ATP10D: variants seen among roughly 807,000 people sequenced by gnomAD.
ATP10D encodes ATPase phospholipid transporting 10D (putative).
Under a neutral mutation model 144.8 loss-of-function variants are expected in ATP10D, and 89 were observed. The observed-to-expected ratio is 0.61, with a 90% CI of 0.52 to 0.73. ATP10D has a LOEUF of 0.73. Ranked by LOEUF, ATP10D falls within the 30% of genes least tolerant of loss-of-function variation. The pLI is 0.00. For missense variants in ATP10D, 1,603 were observed against 1,714.8 expected (o/e 0.93, Z 1.15); for synonymous variants, 571 against 615.1 (o/e 0.93, Z 1.06).
chr4:47,540,827 C>T (rs1718098153), intron 9 of ATP10D, among the ~76,000 whole-genome samples: 1 of 152,250 alleles, frequency 6.6e-6, no homozygotes, highest in African/African-American at 2.4e-5. Flanking sequence ...CTCTAGGTGA[C>T]AGTTTCTCAG....
chr4:47,515,448 C>T, intron 2 of ATP10D, 28 bp from the exon 3 acceptor site: 1 of 1,579,544 alleles, frequency 6.3e-7, no homozygotes, highest in Non-Finnish European at 8.6e-7. Context: ...AACTTCTTAA[C>T]ACCTCCCTTT....
chr4:47,582,984 A>T (rs1445011099), intron 21 of ATP10D: 2 of 152,240 alleles, frequency 1.3e-5, no homozygotes, highest in African/African-American at 4.8e-5. Context: ...CTCTAAAAAA[A>T]ATAACAAAAC....
chr4:47,565,249 C>G (rs943644191), intron 15 of ATP10D, among the ~76,000 whole-genome samples: 1 of 152,172 alleles, frequency 6.6e-6, no homozygotes, highest in African/African-American at 2.4e-5. Flanking sequence ...CGTGAGCCAC[C>G]GCGCCCGGCC....
intron 2 of ATP10D, among the ~76,000 whole-genome samples, chr4:47,513,398 T>C (rs1028487310): frequency 6.6e-6 from 1 of 152,126 alleles, no homozygotes; most frequent in Non-Finnish European, 1.5e-5. Flanking sequence ...AAACACAATA[T>C]ATACATATAT....
chr4:47,525,669 G>A, intron 5 of ATP10D, 27 bp downstream of exon 5: 4 of 1,525,832 alleles, frequency 2.6e-6, no homozygotes, highest in Non-Finnish European at 3.6e-6. Context: ...GAACATTTGT[G>A]GGTGTAAGTG....
chr4:47,560,256 G>A (rs1719223201), intron 13 of ATP10D: 1 of 152,056 alleles, frequency 6.6e-6, no homozygotes, highest in Non-Finnish European at 1.5e-5. Context: ...CTCTTTCTAT[G>A]GCAACCTAAA....
chr4:47,563,362 T>G (rs1051054673), intron 14 of ATP10D, among the ~76,000 whole-genome samples: 4 of 152,204 alleles, frequency 2.6e-5, no homozygotes, highest in African/African-American at 9.7e-5. Context: ...CGAGTAAGTT[T>G]GATAAATCCA....
At chr4:47,529,693 T>G (rs1187496941) in intron 5 of ATP10D, among the ~76,000 whole-genome samples, 1 of 152,164 alleles carries the variant, frequency 6.6e-6, no homozygotes, top group Non-Finnish European at 1.5e-5. Flanking sequence ...CGTTGATATT[T>G]TATAGGAATT....
intron 15 of ATP10D, among the ~76,000 whole-genome samples, chr4:47,567,803 G>A (rs981928528): frequency 6.6e-6 from 1 of 152,192 alleles, no homozygotes; most frequent in Non-Finnish European, 1.5e-5. Flanking sequence ...ATGTGCACAT[G>A]TCCATATCTA....
chr4:47,557,674 C>T lies in ATP10D; in HGVS notation c.1835C>T (p.Pro612Leu). The T allele has an allele frequency of 6.2e-7, 1 of 1,607,664 alleles. No homozygotes were observed. The highest frequency in any genetic ancestry group is 8.5e-7 in the Non-Finnish European group (1 of 1,175,014). Reference protein sequence around the residue: ...PNQPRQKIRHPSLGGLPIKSL... With the variant: ...PNQPRQKIRHLSLGGLPIKSL... ...AATTGTCTTTCATAGATCAGACACC[C>T]TTCACTGGGGGGGTTGCCCATTAAG... is the stretch of plus-strand genomic sequence containing the variant. Residue 612 changes from proline to leucine, a missense_variant, in exon 12 of 23, where the codon CCT becomes CTT. Physicochemically the swap from Pro to Leu is moderately conservative, Grantham distance 98. Transcript: ENST00000273859.
chr4:47,487,580 A>C (rs1362759601), intron 1 of ATP10D, among the ~76,000 whole-genome samples: 2 of 152,142 alleles, frequency 1.3e-5, no homozygotes, highest in African/African-American at 2.4e-5. Context: ...TGATTTATCA[A>C]CTCTAGGAAT....
At chr4:47,576,085 C>T (rs1165484053) in intron 18 of ATP10D, among the ~76,000 whole-genome samples, 2 of 151,468 alleles carry the variant, frequency 1.3e-5, no homozygotes, top group Non-Finnish European at 2.9e-5. Flanking sequence ...GCGCCCGCCA[C>T]TACGCCCGGC....
At chr4:47,511,334 T>C (rs185252846) in intron 1 of ATP10D, among the ~76,000 whole-genome samples, 1 of 152,264 alleles carries the variant, frequency 6.6e-6, no homozygotes, top group African/African-American at 2.4e-5. Flanking sequence ...GAGGCTGACA[T>C]GAATATTTTC....
chr4:47,536,320 A>C, intron 7 of ATP10D, 117 bp from the exon 8 acceptor site: 15 of 1,339,926 alleles, frequency 1.1e-5, no homozygotes, highest in Non-Finnish European at 1.5e-5. Context: ...TTCCAAAAAC[A>C]AACAGTTGAT....
At chr4:47,522,243 C>A (rs1716981112) in intron 3 of ATP10D, among the ~76,000 whole-genome samples, 1 of 152,160 alleles carries the variant, frequency 6.6e-6, no homozygotes, top group African/African-American at 2.4e-5. Context: ...TCATTCTACC[C>A]TAACGAAAAT....
chr4:47,588,100 T>C (rs1023480211), intron 22 of ATP10D, among the ~76,000 whole-genome samples: 2 of 152,198 alleles, frequency 1.3e-5, no homozygotes, highest in Admixed American at 1.3e-4. Flanking sequence ...TAGCAGTCTC[T>C]ACTACAATCT....
chr4:47,536,931 A>C lies in ATP10D; in HGVS notation c.1389A>C (p.Glu463Asp). The C allele has an allele frequency of 6.2e-7, 1 of 1,606,528 alleles. No homozygotes were observed. Among genetic ancestry groups the C allele is most frequent in the Non-Finnish European group, 8.5e-7 (1 of 1,177,198 alleles). ...TGGCAGGATTTGATTACTGCCATGA[A>C]GAAAATGGTGAGTGTTGGATTTCCG... is the stretch of plus-strand genomic sequence containing the variant. ...CSVAGFDYCH[E>D]ENARRLESYQ... Residue 463 changes from glutamate (E) to aspartate (D), a missense_variant, in exon 9 of 23, where the codon GAA becomes GAC. Transcript: ENST00000273859.
At chr4:47,569,251 T>C (rs1719818695) in intron 16 of ATP10D, 105 bp downstream of exon 16, 16 of 1,294,474 alleles carry the variant, frequency 1.2e-5, no homozygotes, top group South Asian at 1.5e-5. Flanking sequence ...ATTTTCCTCC[T>C]CCCTTTTTCT....
At position 47,554,825 on chromosome 4, in the gene ATP10D, A is replaced by G. The variant is rs1718894961; in HGVS notation, c.1735A>G (p.Met579Val). The G allele has an allele frequency of 6.8e-6, 11 of 1,614,138 alleles. No homozygotes were observed. The highest frequency in any genetic ancestry group is 2.2e-5 in the East Asian group (1 of 44,876). ...AGATGAGACCATCCAAAATCCACCA[A>G]TGGAAACTTTGTACATTATCGACTT... is the stretch of plus-strand genomic sequence containing the variant. ...PLDETIQNPP[M>V]ETLYIIDFFI... Residue 579 changes from methionine (M) to valine (V), a missense_variant, in exon 11 of 23, where the codon ATG (methionine) becomes GTG (valine). Coordinates refer to ENST00000273859, the MANE Select transcript of ATP10D (RefSeq NM_020453.4).
Sources: allele counts gnomAD v4.1 joint callset (sites outside exome capture counted in the v4.1 genomes callset), GRCh38; gene constraint gnomAD v4.1.1; transcripts MANE v1.5; gene names NCBI Gene and HGNC (gene_info 2026-07-23, HGNC 2026-07-21).